PPFIBP2: variants seen among roughly 807,000 people sequenced by gnomAD.
The protein encoded by PPFIBP2 is PPFIB scaffold protein 2, also known as liprin-beta-2.
A neutral mutation model predicts 118.3 loss-of-function variants in PPFIBP2; 118 were observed. The ratio of observed to expected loss-of-function variants is 1.00; its 90% CI spans 0.86 to 1.16. The LOEUF is 1.16. Ranked by LOEUF, PPFIBP2 falls within the 50% of genes most tolerant of loss-of-function variation. The pLI, the probability that PPFIBP2 is intolerant of heterozygous loss-of-function variation, is 0.00. For missense variants in PPFIBP2, 1,195 were observed against 1,073.1 expected (o/e 1.11, Z -1.59); for synonymous variants, 414 against 397.4 (o/e 1.04, Z -0.50).
intron 1 of PPFIBP2, among the ~76,000 whole-genome samples, chr11:7,535,954 C>T (rs757008510): frequency 6.6e-5 from 10 of 152,100 alleles, no homozygotes; most frequent in Non-Finnish European, 1.2e-4. Context: ...GAGCGCTTCT[C>T]CCAAATGCCA....
At chr11:7,631,472 G>A (rs1239851246) in intron 11 of PPFIBP2, among the ~76,000 whole-genome samples, 6 of 151,986 alleles carry the variant, frequency 3.9e-5, no homozygotes, top group East Asian at 1.9e-4. Context: ...CTGAAATGCC[G>A]CATTCCTGCT....
At chr11:7,667,201 A>G in the PPFIBP2 span, 1 of 152,248 alleles carries the variant, frequency 6.6e-6, no homozygotes, top group Non-Finnish European at 1.5e-5. Flanking sequence ...ATTCATCACC[A>G]TATTATTTAG....
At chr11:7,516,975 C>T (rs968612729) in intron 1 of PPFIBP2, among the ~76,000 whole-genome samples, 14 of 152,096 alleles carry the variant, frequency 9.2e-5, no homozygotes, top group African/African-American at 3.1e-4. Flanking sequence ...TCAGGCGTGA[C>T]TTAGGGGTGG....
At chr11:7,666,532 C>G in the PPFIBP2 span, 2 of 1,613,240 alleles carry the variant, frequency 1.2e-6, no homozygotes, top group Non-Finnish European at 1.7e-6. Context: ...TCTTTTCTGA[C>G]CAAGATATCC....
intron 17 of PPFIBP2, among the ~76,000 whole-genome samples, chr11:7,647,121 T>C (rs1853210340): frequency 6.6e-6 from 1 of 152,194 alleles, no homozygotes; most frequent in Admixed American, 6.5e-5. Flanking sequence ...TGCTTATCCT[T>C]TGAGGAATTC....
chr11:7,587,186 C>T (rs1858365528), intron 3 of PPFIBP2, among the ~76,000 whole-genome samples: 1 of 152,200 alleles, frequency 6.6e-6, no homozygotes, highest in Non-Finnish European at 1.5e-5. Flanking sequence ...ATCTATTCCA[C>T]ACACAAAGGA....
chr11:7,549,678 G>T, intron 2 of PPFIBP2, 139 bp downstream of exon 2: 1 of 876,698 alleles, frequency 1.1e-6, no homozygotes, highest in South Asian at 2.0e-5. Flanking sequence ...GTGTTATTGT[G>T]TATGTAATCT....
chr11:7,516,627 C>T (rs1849250453), intron 1 of PPFIBP2, among the ~76,000 whole-genome samples: 1 of 152,000 alleles, frequency 6.6e-6, no homozygotes, highest in Non-Finnish European at 1.5e-5. Context: ...GGCGTCAGCA[C>T]CAAGTGAGGA....
At chr11:7,627,034 A>G (rs907765100) in intron 8 of PPFIBP2, among the ~76,000 whole-genome samples, 7 of 152,216 alleles carry the variant, frequency 4.6e-5, no homozygotes, top group African/African-American at 1.7e-4. Context: ...ACCCTGGACT[A>G]TCTCTGATGC....
At chr11:7,624,964 A>T (rs1162131332) in intron 7 of PPFIBP2, among the ~76,000 whole-genome samples, 1 of 152,188 alleles carries the variant, frequency 6.6e-6, no homozygotes, top group African/African-American at 2.4e-5. Flanking sequence ...GGACCTATAC[A>T]ATTCTGATCT....
intron 7 of PPFIBP2, 123 bp downstream of exon 7, chr11:7,621,150 C>A: frequency 1.4e-6 from 1 of 706,840 alleles, no homozygotes; most frequent in Non-Finnish European, 2.5e-6. Context: ...CCAGTGTGGA[C>A]ACACAGCAGT....
chr11:7,592,610 C>G (rs1285619601), intron 3 of PPFIBP2, among the ~76,000 whole-genome samples: 1 of 152,172 alleles, frequency 6.6e-6, no homozygotes, highest in East Asian at 1.9e-4. Context: ...TGACATCCTC[C>G]ATCCTTCATG....
At chr11:7,597,508 T>C in intron 4 of PPFIBP2, 52 bp from the exon 5 acceptor site, 2 of 1,565,788 alleles carry the variant, frequency 1.3e-6, no homozygotes, top group South Asian at 1.1e-5. Context: ...GAGGCTTTCC[T>C]GCACCATGTC....
rs115098014 is a variant in PPFIBP2, at chr11:7,640,936, T to C, written c.1376-543T>C. 747 of 1,022,594 alleles carry C rather than the reference T, an allele frequency of 7.3e-4. 5 individuals are homozygous for C. The African/African-American group carries it at 0.011, about 16-fold the overall frequency. The allele number at this position is 1,022,594 out of a possible 1,614,324, so 63.3% of individuals were successfully genotyped here. ...TTTTCTCTCTTGCTCGATGACACTC[T>C]TTTGTTTATTTCTTTGCTTCCCCGT... On this transcript the variant is annotated intron_variant, in intron 15 of 23. Coordinates refer to ENST00000299492, the MANE Select transcript of PPFIBP2 (RefSeq NM_003621.5).
At chr11:7,557,345 T>C (rs559122577) in intron 2 of PPFIBP2, among the ~76,000 whole-genome samples, 4 of 152,256 alleles carry the variant, frequency 2.6e-5, no homozygotes, top group South Asian at 2.1e-4. Context: ...GTAAAACATA[T>C]GACATATGCC....
chr11:7,597,974 C>T (rs1246153961), intron 5 of PPFIBP2: 3 of 292,216 alleles, frequency 1.0e-5, no homozygotes, highest in Non-Finnish European at 6.5e-6. Flanking sequence ...CGGCTGGGGG[C>T]CTCACCCTCA....
intron 1 of PPFIBP2, among the ~76,000 whole-genome samples, chr11:7,540,321 C>T (rs769975349): frequency 1.8e-4 from 28 of 152,092 alleles, no homozygotes; most frequent in Admixed American, 3.3e-4. Context: ...TGGGAGATGA[C>T]GGCAGGGCAG....
chr11:7,514,152 G>C (rs574813005), intron 1 of PPFIBP2, 31 bp downstream of exon 1: 1 of 152,314 alleles, frequency 6.6e-6, no homozygotes, highest in Non-Finnish European at 1.5e-5. Context: ...CCCCGGGCTT[G>C]CCGCGCGGTC....
At chr11:7,594,916 CAAAAAAAAA>C (rs58084975) in intron 4 of PPFIBP2, among the ~76,000 whole-genome samples, 13 of 64,048 alleles carry the variant, frequency 2.0e-4, no homozygotes, top group African/African-American at 3.3e-4. Context: ...GACTCCATCT[CAAAAAAAAA>C]AAAAAAAAAA....
Sources: allele counts gnomAD v4.1 joint callset (sites outside exome capture counted in the v4.1 genomes callset), GRCh38; gene constraint gnomAD v4.1.1; transcripts MANE v1.5; gene names NCBI Gene and HGNC (gene_info 2026-07-23, HGNC 2026-07-21).